WDR7: variants seen among roughly 807,000 people sequenced by gnomAD.
WDR7 encodes the protein WD repeat domain 7, also known as WD repeat-containing protein 7.
In WDR7, 46 loss-of-function variants were observed where a neutral mutation model predicts 169.4. The observed-to-expected ratio is 0.27, with a 90% CI of 0.21 to 0.35. WDR7 has a LOEUF of 0.35. Among genes scored for constraint, WDR7 ranks in the 10% least tolerant of loss-of-function variants. WDR7 has a pLI of 1.00. For synonymous variants in WDR7, 612 were observed against 666.8 expected (o/e 0.92, Z 1.27); for missense variants, 1,534 against 1,859.3 (o/e 0.83, Z 3.22).
intron 22 of WDR7, among the ~76,000 whole-genome samples, chr18:56,932,803 T>C (rs182842301): frequency 2.6e-5 from 4 of 152,268 alleles, no homozygotes; most frequent in South Asian, 2.1e-4. Flanking sequence ...CACTGTGGCA[T>C]GAACCCTGAA....
At chr18:56,795,274 GC>G (rs2044563635) in intron 19 of WDR7, among the ~76,000 whole-genome samples, 1 of 152,052 alleles carries the variant, frequency 6.6e-6, no homozygotes, top group Non-Finnish European at 1.5e-5. Context: ...GACATTCTGT[GC>G]CCACCTCGTT....
chr18:56,822,214 CATA>C (rs1438977120), intron 20 of WDR7, among the ~76,000 whole-genome samples: 1 of 152,122 alleles, frequency 6.6e-6, no homozygotes, highest in African/African-American at 2.4e-5. Flanking sequence ...ACTGTTGTAA[CATA>C]ATAATATAAA....
intron 12 of WDR7, among the ~76,000 whole-genome samples, chr18:56,701,932 T>A (rs1161373458): frequency 6.6e-6 from 1 of 152,206 alleles, no homozygotes; most frequent in Admixed American, 6.5e-5. Flanking sequence ...GAATATTAGC[T>A]TAATTTTATT....
At chr18:56,821,389 T>G (rs1568214639) in intron 20 of WDR7, among the ~76,000 whole-genome samples, 3 of 152,150 alleles carry the variant, frequency 2.0e-5, no homozygotes, top group Admixed American at 1.3e-4. Context: ...CTGAGAGAGA[T>G]AACTTTTACA....
intron 20 of WDR7, among the ~76,000 whole-genome samples, chr18:56,828,506 A>T (rs1232015607): frequency 6.6e-6 from 1 of 152,226 alleles, no homozygotes; most frequent in Non-Finnish European, 1.5e-5. Flanking sequence ...TTTAGAAAAC[A>T]TGTTTGAAAA....
rs772969042 is a variant in WDR7 at position 56,924,160 on chromosome 18, G to T, written c.3713+52G>T. 2.4e-5 allele frequency: 38 copies of T among 1,592,484 alleles called. No homozygotes were observed. The Admixed American group carries it at 2.7e-4, about 11-fold the overall frequency. ...TTTGTCACTGTTTTTTGTTTTAGGG[G>T]TTTTTTTGGTGGGTTTATTGATCAT... On this transcript the variant is annotated intron_variant, in intron 22 of 27. Coordinates refer to ENST00000254442, the MANE Select transcript of WDR7 (RefSeq NM_015285.3).
At chr18:56,837,712 T>G (rs2045416903) in intron 20 of WDR7, among the ~76,000 whole-genome samples, 1 of 152,172 alleles carries the variant, frequency 6.6e-6, no homozygotes. Context: ...CAGGTTGGAG[T>G]GCAATATGCG....
chr18:56,672,345 GT>G (rs963289377), intron 1 of WDR7, among the ~76,000 whole-genome samples, 151 bp from the exon 2 acceptor site: 23 of 149,582 alleles, frequency 1.5e-4, no homozygotes, highest in East Asian at 3.9e-4. Flanking sequence ...TAAACTAGTC[GT>G]TTTTTTTTGA....
chr18:56,707,855 C>A (rs1016912542), intron 12 of WDR7, among the ~76,000 whole-genome samples: 24 of 152,016 alleles, frequency 1.6e-4, no homozygotes, highest in Non-Finnish European at 3.2e-4. Flanking sequence ...CAAAGAGGTG[C>A]TTTTAGCATA....
At chr18:56,666,280 T>G (rs908811506) in intron 1 of WDR7, among the ~76,000 whole-genome samples, 20 of 146,634 alleles carry the variant, frequency 1.4e-4, no homozygotes, top group Non-Finnish European at 3.0e-4. Context: ...CTTGGCTCAC[T>G]GCAACCTCCG....
chr18:56,755,971 G>A (rs1034965415), intron 14 of WDR7, among the ~76,000 whole-genome samples: 4 of 152,136 alleles, frequency 2.6e-5, no homozygotes, highest in African/African-American at 9.7e-5. Flanking sequence ...AATTTTCATT[G>A]GAGTAGTCTA....
chr18:56,764,064 T>A (rs1599025651), intron 16 of WDR7, among the ~76,000 whole-genome samples: 5 of 126,690 alleles, frequency 3.9e-5, no homozygotes, highest in Admixed American at 3.9e-4. Context: ...TTGATTATTA[T>A]TTATTTTTTC....
At chr18:56,710,658 A>C (rs1568151493) in intron 12 of WDR7, among the ~76,000 whole-genome samples, 1 of 152,214 alleles carries the variant, frequency 6.6e-6, no homozygotes, top group African/African-American at 2.4e-5. Flanking sequence ...ATTTGATATA[A>C]TAGCTTATTA....
chr18:56,666,201 C>CT lies in WDR7; in HGVS notation c.-19-6277dup, dbSNP rs71169386. 2.6e-3 allele frequency among the ~76,000 whole-genome samples: 267 copies of CT among 100,980 alleles called. 12 individuals carry two copies. Among genetic ancestry groups the CT allele is most frequent in the Non-Finnish European group, 3.3e-3 (182 of 54,702 alleles). The allele number at this position is 100,980 out of a possible 152,430, so 66.2% of individuals were successfully genotyped here. On this transcript the variant is annotated intron_variant, in intron 1 of 27. Transcript: ENST00000254442. ...TACTATTTCATCTTCATTCCTTCGT[C>CT]TTTTTTTTTTTTTTTTTTTGAGCCG...
chr18:56,934,015 A>G (rs2046925157), intron 22 of WDR7, among the ~76,000 whole-genome samples: 1 of 152,086 alleles, frequency 6.6e-6, no homozygotes, highest in African/African-American at 2.4e-5. Context: ...CTGTGATTTT[A>G]TTGATTTTCC....
chr18:56,736,197 T>C (rs1305107453), intron 14 of WDR7, among the ~76,000 whole-genome samples: 1 of 152,160 alleles, frequency 6.6e-6, no homozygotes, highest in Non-Finnish European at 1.5e-5. Flanking sequence ...ATCAGACATG[T>C]GCTTCCCTCA....
rs1307829646 is a variant in WDR7, at chr18:56,938,655, C to A, written c.3954C>A (p.Pro1318=). The change falls in exon 24 of 28, where the codon CCC becomes CCA. Residue 1318 remains proline (P), a synonymous_variant. Transcript: ENST00000254442. ...TTGAAATTCTTATTGAAAAGATGCC[C>A]ACAGATGTTGTGGATCTTCTCGTGG... ...RVIEILIEKM[P]TDVVDLLVEV... 1.2e-6 allele frequency: 2 copies of A among 1,613,526 alleles called. No individual in the cohort carries two copies. The highest frequency in any genetic ancestry group is 2.2e-5 in the East Asian group (1 of 44,840).
chr18:56,660,515 T>A (rs2024881876), intron 1 of WDR7, among the ~76,000 whole-genome samples: 1 of 152,096 alleles, frequency 6.6e-6, no homozygotes, highest in African/African-American at 2.4e-5. Flanking sequence ...AAAACACTTC[T>A]GATCCCAAGT....
chr18:56,950,016 A>G (rs2047158953), intron 25 of WDR7, among the ~76,000 whole-genome samples: 1 of 152,328 alleles, frequency 6.6e-6, no homozygotes, highest in African/African-American at 2.4e-5. Context: ...AACTTTGTTC[A>G]TATTCAAGAA....
Sources: gnomAD v4.1 joint callset for allele counts (sites outside exome capture counted in the v4.1 genomes callset) on GRCh38, gnomAD v4.1.1 for gene constraint, MANE v1.5 for transcripts, NCBI Gene and HGNC (gene_info 2026-07-23, HGNC 2026-07-21) for gene names.